Variants in CEACAM6 observed in about 807,000 individuals in gnomAD.
The protein encoded by CEACAM6 is CEA cell adhesion molecule 6.
CEACAM6 carries 21 observed loss-of-function variants against 32.4 expected under a neutral mutation model. The observed-to-expected ratio is 0.65, with a 90% CI of 0.46 to 0.93. The LOEUF is 0.93. CEACAM6 is among the 40% of genes least tolerant of loss of function. The probability of loss-of-function intolerance (pLI) is 0.00; values close to 1 mark genes in which losing one functional copy is unlikely to be tolerated. For synonymous variants in CEACAM6, 184 were observed against 174.4 expected, an observed-to-expected ratio of 1.06 and a Z score of -0.43; for missense variants, 406 against 432.2, an observed-to-expected ratio of 0.94 and a Z score of 0.54.
intron 5 of CEACAM6, among the ~76,000 whole-genome samples, chr19:41,770,545 AG>A (rs1555822892): frequency 6.6e-6 from 1 of 152,102 alleles, no homozygotes; most frequent in Non-Finnish European, 1.5e-5. Context: ...CCTGGGCAAC[AG>A]GGCAAGACTC....
chr19:41,770,277 G>T (rs1263586810), intron 5 of CEACAM6, among the ~76,000 whole-genome samples: 1 of 130,418 alleles, frequency 7.7e-6, no homozygotes, highest in Non-Finnish European at 1.6e-5. Flanking sequence ...AAAAAAAAAA[G>T]CTAGGTGTGG....
rs118164107 is a variant in CEACAM6, at chr19:41,767,358, C to A, written c.*40+1059C>A. Among the ~76,000 whole-genome samples, 3 of 152,152 alleles carry A rather than the reference C, an allele frequency of 2.0e-5. 1 individual carries two copies. Among genetic ancestry groups the A allele is most frequent in the Non-Finnish European group, 4.4e-5 (3 of 68,030 alleles). ...ACACATCCTGCATGTGGCTGAGAACCTTTTCCTGACAATCAATTCATGTGT... is the reference window on the plus strand; with the variant it reads ...ACACATCCTGCATGTGGCTGAGAACATTTTCCTGACAATCAATTCATGTGT... On this transcript the variant is annotated intron_variant, in intron 5 of 5. Transcript: ENST00000199764.
At chr19:41,770,217 C>T (rs1459135412) in intron 5 of CEACAM6, among the ~76,000 whole-genome samples, 1 of 146,672 alleles carries the variant, frequency 6.8e-6, no homozygotes, top group Non-Finnish European at 1.5e-5. Context: ...CAAGACCAGC[C>T]TGGCCAACAT....
At chr19:41,761,639 T>C (rs1249488757) in intron 3 of CEACAM6, 112 bp downstream of exon 3, 1 of 1,538,938 alleles carries the variant, frequency 6.5e-7, no homozygotes, top group African/African-American at 1.4e-5. Flanking sequence ...TCACCCAGGC[T>C]GGCCATGACT....
chr19:41,769,465 ATTCAT>A (rs1287348360), intron 5 of CEACAM6, among the ~76,000 whole-genome samples: 1 of 152,180 alleles, frequency 6.6e-6, no homozygotes, highest in Non-Finnish European at 1.5e-5. Context: ...CAAGCAGAGA[ATTCAT>A]TTCATGAGAC....
chr19:41,769,107 G>A (rs1170794034), intron 5 of CEACAM6, among the ~76,000 whole-genome samples: 5 of 151,928 alleles, frequency 3.3e-5, no homozygotes, highest in African/African-American at 7.3e-5. Flanking sequence ...CACCATGCCC[G>A]GCTAATTTTG....
At chr19:41,761,861 C>T (rs2072926683) in intron 3 of CEACAM6, 108 bp from the exon 4 acceptor site, 1 of 1,404,598 alleles carries the variant, frequency 7.1e-7, no homozygotes, top group Admixed American at 1.9e-5. Context: ...TTGGTTGAGA[C>T]TTCAGGGTTG....
chr19:41,758,476 A>C (rs1187613461), intron 2 of CEACAM6, among the ~76,000 whole-genome samples: 2 of 152,138 alleles, frequency 1.3e-5, no homozygotes, highest in Non-Finnish European at 2.9e-5. Context: ...GCTGACACCC[A>C]TGTTCCATCC....
At chr19:41,768,739 C>G (rs1208924017) in intron 5 of CEACAM6, among the ~76,000 whole-genome samples, 1 of 146,758 alleles carries the variant, frequency 6.8e-6, no homozygotes, top group Non-Finnish European at 1.5e-5. Context: ...CTGACCCCCC[C>G]ACCTCCCTCC....
At chr19:41,758,034 A>G (rs2072900219) in intron 2 of CEACAM6, 1 of 152,234 alleles carries the variant, frequency 6.6e-6, no homozygotes, top group Non-Finnish European at 1.5e-5. Flanking sequence ...TCATGGGTTC[A>G]CTTCCTTTTG....
intron 2 of CEACAM6, among the ~76,000 whole-genome samples, chr19:41,760,405 C>T (rs2072915448): frequency 6.6e-6 from 1 of 152,220 alleles, no homozygotes; most frequent in Non-Finnish European, 1.5e-5. Context: ...TCATGCTCCC[C>T]CTTTCCACCA....
chr19:41,761,256 G>A lies in CEACAM6; in HGVS notation c.432G>A (p.Leu144=), dbSNP rs781903587. The stretch of plus-strand genomic sequence containing the variant: ...TCTCTGTTTTCTGCACAGCGGAGCT[G>A]CCCAAGCCCTCCATCTCCAGCAACA... ...ATGQFHVYPE[L]PKPSISSNNS... The change falls in exon 3 of 6, where the codon CTG becomes CTA. Residue 144 remains leucine, a synonymous_variant. Transcript: ENST00000199764. 1.7e-5 allele frequency: 28 copies of A among 1,614,090 alleles called. No homozygotes were observed. The highest frequency in any genetic ancestry group is 6.7e-5 in the African/African-American group (5 of 74,928).
rs192470500 is a variant in CEACAM6, at chr19:41,759,943, G to A, written c.425-1306G>A. Among the ~76,000 whole-genome samples the A allele has an allele frequency of 7.2e-5, 11 of 152,284 alleles. No individual in the cohort carries two copies. The East Asian group carries it at 2.1e-3, about 29-fold the overall frequency. ...ATGCTGAAAAGAAATGCTCACTGGA[G>A]CATTTTAGATTCTGGGTTTTCAAAA... On this transcript the variant is annotated intron_variant, in intron 2 of 5. Transcript: ENST00000199764.
chr19:41,765,705 G>T (rs2072951666), intron 4 of CEACAM6, among the ~76,000 whole-genome samples: 1 of 152,202 alleles, frequency 6.6e-6, no homozygotes, highest in Non-Finnish European at 1.5e-5. Context: ...GTGAAGCAGG[G>T]TCTCACAGAC....
intron 2 of CEACAM6, 151 bp from the exon 3 acceptor site, chr19:41,761,098 C>A: frequency 7.0e-7 from 1 of 1,432,068 alleles, no homozygotes; most frequent in South Asian, 1.3e-5. Flanking sequence ...CTCAAATCAT[C>A]GTGCATCTGT....
chr19:41,761,632 C>A (rs2122919646), intron 3 of CEACAM6, 105 bp downstream of exon 3: 1 of 1,548,440 alleles, frequency 6.5e-7, no homozygotes, highest in South Asian at 1.2e-5. Context: ...CAGACCCTCA[C>A]CCAGGCTGGC....
At chr19:41,757,066 G>A (rs1405341741) in intron 2 of CEACAM6, 107 bp downstream of exon 2, 7 of 1,512,558 alleles carry the variant, frequency 4.6e-6, no homozygotes, top group Admixed American at 4.4e-5. Context: ...ATTACATCCT[G>A]TATCAGGGTT....
chr19:41,755,817 G>A (rs1308291231), intron 1 of CEACAM6, 115 bp downstream of exon 1: 19 of 775,832 alleles, frequency 2.4e-5, no homozygotes, highest in Non-Finnish European at 3.6e-5. Flanking sequence ...TGAAGCCTGA[G>A]GAAACAGAAC....
At position 41,771,640 on chromosome 19, in the gene CEACAM6, C is replaced by T. The variant is rs1008247951; in HGVS notation, c.*879C>T. 1 of 152,172 alleles carries T rather than the reference C, an allele frequency of 6.6e-6. No individual in the cohort carries two copies. The highest frequency in any genetic ancestry group is 2.1e-4 in the South Asian group (1 of 4,822). The allele number at this position is 152,172 out of a possible 1,614,324, so 9.4% of individuals were successfully genotyped here. A position where few individuals can be genotyped will look rare whatever the true frequency, so the allele number is the denominator to read the frequency against. On this transcript the variant is annotated 3_prime_UTR_variant, in exon 6 of 6. Transcript: ENST00000199764. ...TAATAGTCATACTAGTAGTCATACT[C>T]CCTGGTGTAGTGTATTCTCTAAAAG...
Sources: gnomAD v4.1 joint callset for allele counts (sites outside exome capture counted in the v4.1 genomes callset) on GRCh38, gnomAD v4.1.1 for gene constraint, MANE v1.5 for transcripts, NCBI Gene and HGNC (gene_info 2026-07-23, HGNC 2026-07-21) for gene names.